GDPD1: variants seen among roughly 807,000 people sequenced by gnomAD.
GDPD1 encodes the protein lysophospholipase D GDPD1.
In GDPD1, 28 loss-of-function variants were observed where a neutral mutation model predicts 45.1. The observed-to-expected ratio is 0.62, with a 90% CI of 0.46 to 0.85. The LOEUF (loss-of-function observed/expected upper bound fraction) is 0.85, where lower values mean the gene tolerates loss of function less well. GDPD1 is among the 40% of genes least tolerant of loss of function. The pLI, the probability that GDPD1 is intolerant of heterozygous loss-of-function variation, is 0.00. For synonymous variants in GDPD1, 139 were observed against 131.4 expected (o/e 1.06, Z -0.40); for missense variants, 256 against 364.8 (o/e 0.70, Z 2.43).
At chr17:59,246,727 A>G (rs1487528340) in intron 3 of GDPD1, among the ~76,000 whole-genome samples, 3 of 150,026 alleles carry the variant, frequency 2.0e-5, no homozygotes, top group Admixed American at 6.7e-5. Flanking sequence ...AAAAAAAAAA[A>G]AAAAAGAAAC....
In GDPD1 at chr17:59,274,700, C is replaced by G. The variant is rs974001169; in HGVS notation, c.*927C>G. ...GGCTGAGTCAGGAGAATGGCGTGAA[C>G]CCGGGAGGCGGAGCTTGCAGTGAGC... is the stretch of plus-strand genomic sequence containing the variant. On this transcript the variant is annotated 3_prime_UTR_variant, in exon 10 of 10. Transcript: ENST00000284116. Among the ~76,000 whole-genome samples the G allele has an allele frequency of 2.0e-5, 3 of 150,772 alleles. No homozygotes were observed. The highest frequency in any genetic ancestry group is 4.4e-5 in the Non-Finnish European group (3 of 67,720).
chr17:59,226,507 G>T (rs550684521), intron 1 of GDPD1, among the ~76,000 whole-genome samples: 2 of 152,060 alleles, frequency 1.3e-5, no homozygotes, highest in Non-Finnish European at 2.9e-5. Context: ...TAAAGCTAAT[G>T]TATTTGTTTC....
rs1341394875 is a variant in GDPD1, at chr17:59,259,635, A to G, written c.576+1795A>G. Among the ~76,000 whole-genome samples the G allele has an allele frequency of 1.0e-4, 15 of 148,198 alleles. No individual in the cohort carries two copies. The South Asian group carries it at 3.2e-3, about 32-fold the overall frequency. On this transcript the variant is annotated intron_variant, in intron 6 of 9. Coordinates refer to ENST00000284116, the MANE Select transcript of GDPD1 (RefSeq NM_182569.4). ...GTGGTGGCGTGCTCCTGTAATTCCA[A>G]CTTCTAGGGAGGCTGAGGCAGGAGA... is the stretch of plus-strand genomic sequence containing the variant.
intron 1 of GDPD1, among the ~76,000 whole-genome samples, chr17:59,230,605 C>T (rs186994673): frequency 3.9e-5 from 6 of 152,060 alleles, no homozygotes; most frequent in Admixed American, 2.6e-4. Flanking sequence ...TGGTCTTGAA[C>T]TCCCGACCTC....
chr17:59,225,839 T>C (rs1408610857), intron 1 of GDPD1, among the ~76,000 whole-genome samples: 1 of 152,066 alleles, frequency 6.6e-6, no homozygotes, highest in Non-Finnish European at 1.5e-5. Flanking sequence ...CTCCTGCCTC[T>C]GCCTCCCAAG....
chr17:59,265,901 CAA>C (rs60404339), intron 6 of GDPD1, among the ~76,000 whole-genome samples: 1,616 of 80,338 alleles, frequency 0.02, 27 homozygotes, highest in African/African-American at 0.052. Context: ...GACCTTATCT[CAA>C]AAAAAAAAAA....
chr17:59,222,532 G>A (rs1299490999), intron 1 of GDPD1, among the ~76,000 whole-genome samples: 1 of 17,024 alleles, frequency 5.9e-5, no homozygotes, highest in Non-Finnish European at 1.3e-4. Flanking sequence ...TTTTTTTTTT[G>A]AGACAGAGTT....
intron 3 of GDPD1, among the ~76,000 whole-genome samples, chr17:59,247,231 C>T (rs529735039): frequency 2.0e-5 from 3 of 152,220 alleles, no homozygotes; most frequent in African/African-American, 7.2e-5. Flanking sequence ...TATATTGACA[C>T]AATATTAATG....
At chr17:59,251,769 G>C (rs1312614419) in intron 4 of GDPD1, among the ~76,000 whole-genome samples, 2 of 151,788 alleles carry the variant, frequency 1.3e-5, no homozygotes, top group East Asian at 3.9e-4. Flanking sequence ...ACTTTGGGAG[G>C]CTAAGGCAGG....
intron 3 of GDPD1, among the ~76,000 whole-genome samples, chr17:59,246,383 C>T (rs1437383196): frequency 6.6e-6 from 1 of 151,892 alleles, no homozygotes; most frequent in Non-Finnish European, 1.5e-5. Context: ...CTTTGGGAGG[C>T]TGAGGCAGGC....
chr17:59,265,121 G>C (rs574236024), intron 6 of GDPD1, among the ~76,000 whole-genome samples: 1 of 152,206 alleles, frequency 6.6e-6, no homozygotes, highest in Admixed American at 6.5e-5. Context: ...GATTACAGGC[G>C]TGAGCAACCG....
At chr17:59,240,150 G>T (rs1242012409) in intron 2 of GDPD1, among the ~76,000 whole-genome samples, 3 of 151,978 alleles carry the variant, frequency 2.0e-5, no homozygotes, top group Non-Finnish European at 4.4e-5. Context: ...AAATTAGTTG[G>T]CGTGGTGATG....
chr17:59,222,505 CTTTTTTTTTTTT>C (rs149536097), intron 1 of GDPD1, among the ~76,000 whole-genome samples: 1 of 41,754 alleles, frequency 2.4e-5, no homozygotes, highest in Non-Finnish European at 4.6e-5. Context: ...AGTGCCCAGC[CTTTTTTTTTTTT>C]TTTTTTTTTT....
chr17:59,225,386 G>A (rs759299646), intron 1 of GDPD1, among the ~76,000 whole-genome samples: 2 of 152,108 alleles, frequency 1.3e-5, no homozygotes, highest in Non-Finnish European at 2.9e-5. Context: ...TTACAGGCAT[G>A]AGCCACCACA....
rs748762189 is a variant in GDPD1, at chr17:59,257,812, A to G, written c.548A>G (p.Tyr183Cys). 6.2e-7 allele frequency: 1 copy of G among 1,603,908 alleles called. No homozygotes were observed. Among genetic ancestry groups the G allele is most frequent in the Admixed American group, 1.7e-5 (1 of 58,778 alleles). The change falls in exon 6 of 10, where the codon TAT becomes TGT. Residue 183 changes from tyrosine to cysteine, a missense_variant. Tyr to Cys is a radical substitution (Grantham distance 194). Transcript: ENST00000284116. ...TTAACAGTGTGGGGTAATGCCAATT[A>G]TGAAATTGTAGAAAAGTGCTACAAA... ...EHLTVWGNAN[Y>C]EIVEKCYKEN...
intron 4 of GDPD1, among the ~76,000 whole-genome samples, chr17:59,250,039 C>T (rs2047240964): frequency 6.6e-6 from 1 of 151,552 alleles, no homozygotes; most frequent in Non-Finnish European, 1.5e-5. Context: ...AAAAATTGAC[C>T]ACTGATAGGG....
intron 2 of GDPD1, 72 bp downstream of exon 2, chr17:59,234,606 A>G: frequency 3.1e-6 from 3 of 960,364 alleles, no homozygotes; most frequent in Non-Finnish European, 5.0e-6. Flanking sequence ...AGTGATGATG[A>G]TCCACAAAGT....
intron 1 of GDPD1, among the ~76,000 whole-genome samples, chr17:59,224,765 C>T (rs902691393): frequency 2.0e-5 from 3 of 152,110 alleles, no homozygotes; most frequent in Non-Finnish European, 2.9e-5. Flanking sequence ...GAGGTTGTTG[C>T]TATGATCGTG....
chr17:59,223,559 T>C (rs1269729341), intron 1 of GDPD1, among the ~76,000 whole-genome samples: 2 of 152,234 alleles, frequency 1.3e-5, no homozygotes, highest in African/African-American at 4.8e-5. Context: ...CTGGTCTCTC[T>C]GTGCAATTTG....
Sources: gnomAD v4.1 joint callset for allele counts (sites outside exome capture counted in the v4.1 genomes callset) on GRCh38, gnomAD v4.1.1 for gene constraint, MANE v1.5 for transcripts, NCBI Gene and HGNC (gene_info 2026-07-23, HGNC 2026-07-21) for gene names.